The following GNB1 variants were observed in gnomAD, a reference collection of about 807,000 sequenced individuals.
GNB1 encodes the protein guanine nucleotide-binding protein G(I)/G(S)/G(T) subunit beta-1.
A neutral mutation model predicts 42.9 loss-of-function variants in GNB1; 2 were observed. That is an observed-to-expected ratio of 0.05 (90% CI 0.02 to 0.15). The LOEUF (loss-of-function observed/expected upper bound fraction) is 0.15, where lower values mean the gene tolerates loss of function less well. Ranked by LOEUF, GNB1 falls within the 10% of genes least tolerant of loss-of-function variation. GNB1 has a pLI of 1.00. For synonymous variants in GNB1, 183 were observed against 174.7 expected, an observed-to-expected ratio of 1.05 and a Z score of -0.38; for missense variants, 193 against 462.2, an observed-to-expected ratio of 0.42 and a Z score of 5.34.
intron 5 of GNB1, among the ~76,000 whole-genome samples, chr1:1,812,687 C>T (rs1444363364): frequency 1.3e-5 from 2 of 152,170 alleles, no homozygotes; most frequent in African/African-American, 2.4e-5. Context: ...CACAGGGTGG[C>T]CATGATTCTG....
intron 7 of GNB1, among the ~76,000 whole-genome samples, chr1:1,803,531 C>T (rs12077553): frequency 0.26 from 38,835 of 152,092 alleles, 5,155 homozygotes; most frequent in African/African-American, 0.28. Flanking sequence ...ATCCTCCTAC[C>T]TTGGCCTCCC....
intron 1 of GNB1, among the ~76,000 whole-genome samples, chr1:1,859,872 A>C (rs1460171554): frequency 6.6e-6 from 1 of 151,326 alleles, no homozygotes; most frequent in Non-Finnish European, 1.5e-5. Context: ...AAAAGGTGTA[A>C]GGAAGGGATC....
intron 1 of GNB1, among the ~76,000 whole-genome samples, chr1:1,878,329 G>GA (rs1200609964): frequency 6.6e-6 from 1 of 152,146 alleles, no homozygotes; most frequent in Non-Finnish European, 1.5e-5. Flanking sequence ...ATTTCAACAG[G>GA]AAAACCTTCA....
chr1:1,807,463 GAAAAAAAAAAAAAAAAAA>G (rs533616486), intron 5 of GNB1, among the ~76,000 whole-genome samples: 1 of 25,580 alleles, frequency 3.9e-5, no homozygotes, highest in Non-Finnish European at 6.3e-5. Context: ...GATCCTGACT[GAAAAAAAAAAAAAAAAAA>G]AAAAAAAAAA....
rs1646417893 is a variant in GNB1 at position 1,787,174 on chromosome 1, T to C, written c.*10-121A>G. The C allele has an allele frequency of 3.4e-6, 2 of 583,710 alleles. No homozygotes were observed. The highest frequency in any genetic ancestry group is 6.2e-6 in the Non-Finnish European group (2 of 324,466). The allele number at this position is 583,710 out of a possible 1,614,324, so 36.2% of individuals were successfully genotyped here. ...TGTCTGCAGCTGAGGGCACGTGACT[T>C]CAGCTTTCTGTAAACGTTTCCCACA... On this transcript the variant is annotated intron_variant, in intron 11 of 11. Coordinates refer to ENST00000378609, the MANE Select transcript of GNB1 (RefSeq NM_002074.5). This position sits in a 1 kb window ranked among gnomAD's most constrained non-coding sequence, Gnocchi z 4.4.
chr1:1,886,175 G>A (rs537131462), intron 1 of GNB1, among the ~76,000 whole-genome samples: 4 of 152,036 alleles, frequency 2.6e-5, no homozygotes, highest in South Asian at 2.1e-4. Context: ...AAAATTATCC[G>A]GGCATGACGG....
chr1:1,873,124 T>C lies in GNB1; in HGVS notation c.-96+17696A>G, dbSNP rs1020579602. Among the ~76,000 whole-genome samples, 7 of 152,096 alleles carry C rather than the reference T, an allele frequency of 4.6e-5. 1 individual carries two copies. Among genetic ancestry groups the C allele is most frequent in the Admixed American group, 4.6e-4 (7 of 15,260 alleles). ...TATGTTGTCCAGGCTGGTTTCAAAC[T>C]CCTGGCCTCAAGCCATCCTCCCACC... On this transcript the variant is annotated intron_variant, in intron 1 of 11. Coordinates refer to ENST00000378609, the MANE Select transcript of GNB1 (RefSeq NM_002074.5).
intron 7 of GNB1, among the ~76,000 whole-genome samples, chr1:1,798,876 A>G (rs1159628793): frequency 4.0e-5 from 6 of 149,764 alleles, no homozygotes; most frequent in Non-Finnish European, 8.9e-5. Flanking sequence ...TAGTTTTTGT[A>G]TTTTTTGTAG....
chr1:1,853,965 G>T (rs1648124559), intron 1 of GNB1, among the ~76,000 whole-genome samples: 1 of 152,092 alleles, frequency 6.6e-6, no homozygotes, highest in African/African-American at 2.4e-5. Context: ...TCAATATCTG[G>T]GTTCGTATTT....
chr1:1,876,025 G>A (rs1034057670), intron 1 of GNB1, among the ~76,000 whole-genome samples: 1 of 152,138 alleles, frequency 6.6e-6, no homozygotes, highest in African/African-American at 2.4e-5. Flanking sequence ...GAGGTAGAGA[G>A]TGACTCCTCT....
chr1:1,796,525 T>G (rs999255952), intron 7 of GNB1, among the ~76,000 whole-genome samples: 1 of 152,222 alleles, frequency 6.6e-6, no homozygotes, highest in African/African-American at 2.4e-5. Context: ...CATAAGAAGT[T>G]CTCAGTAAAT....
At chr1:1,828,993 G>A (rs779803731) in intron 2 of GNB1, among the ~76,000 whole-genome samples, 1 of 152,018 alleles carries the variant, frequency 6.6e-6, no homozygotes, top group Non-Finnish European at 1.5e-5. Context: ...AAAATCTATT[G>A]TCAGGCATTT....
At chr1:1,825,557 G>A (rs1447063878) in intron 2 of GNB1, 58 bp from the exon 3 acceptor site, 1 of 921,074 alleles carries the variant, frequency 1.1e-6, no homozygotes, top group Non-Finnish European at 1.8e-6. Flanking sequence ...TAATGAAGCA[G>A]GTGAGAAAAG....
At chr1:1,817,043 A>C (rs1330358684) in intron 4 of GNB1, among the ~76,000 whole-genome samples, 1 of 151,976 alleles carries the variant, frequency 6.6e-6, no homozygotes, top group Non-Finnish European at 1.5e-5. Context: ...CTAGTTCCAA[A>C]CCATCTTCCA....
At chr1:1,877,499 TTTTA>T (rs774640785) in intron 1 of GNB1, among the ~76,000 whole-genome samples, 1 of 151,762 alleles carries the variant, frequency 6.6e-6, no homozygotes, top group Non-Finnish European at 1.5e-5. Context: ...TTTTATAAAA[TTTTA>T]TTTATTTTTT....
intron 2 of GNB1, among the ~76,000 whole-genome samples, chr1:1,832,730 A>G (rs1570685808): frequency 1.3e-5 from 2 of 152,204 alleles, no homozygotes; most frequent in Non-Finnish European, 2.9e-5. Flanking sequence ...CCCATATTAC[A>G]CAGTCACCAA....
intron 7 of GNB1, among the ~76,000 whole-genome samples, chr1:1,799,169 C>T (rs1239069845): frequency 1.3e-5 from 2 of 152,160 alleles, no homozygotes; most frequent in Non-Finnish European, 2.9e-5. Flanking sequence ...ATCCGCCTGC[C>T]TCGGCCTCCC....
At chr1:1,801,643 T>G (rs1646628170) in intron 7 of GNB1, among the ~76,000 whole-genome samples, 2 of 152,088 alleles carry the variant, frequency 1.3e-5, no homozygotes, top group South Asian at 2.1e-4. Flanking sequence ...TAAAATAGAT[T>G]TCTTTAAAAA....
chr1:1,845,846 C>G (rs903957546), intron 1 of GNB1, among the ~76,000 whole-genome samples: 32 of 83,084 alleles, frequency 3.9e-4, no homozygotes, highest in African/African-American at 9.7e-4. Flanking sequence ...CACACACACA[C>G]ACACACACAC....
Sources: allele counts gnomAD v4.1 joint callset (sites outside exome capture counted in the v4.1 genomes callset), GRCh38; gene constraint gnomAD v4.1.1; non-coding constraint Gnocchi (gnomAD v3.1); transcripts MANE v1.5; gene names NCBI Gene and HGNC (gene_info 2026-07-23, HGNC 2026-07-21).